Variants in TCERG1L observed in about 807,000 individuals in gnomAD.
TCERG1L encodes transcription elongation regulator 1-like protein.
Under a neutral mutation model 56.3 loss-of-function variants are expected in TCERG1L, and 37 were observed. That is an observed-to-expected ratio of 0.66 (90% CI 0.51 to 0.87). The LOEUF (loss-of-function observed/expected upper bound fraction) is 0.87. Ranked by LOEUF, TCERG1L falls within the 40% of genes least tolerant of loss-of-function variation. The pLI is 0.00. For missense variants in TCERG1L, 799 were observed against 774.2 expected (o/e 1.03, Z -0.38); for synonymous variants, 324 against 326.3 (o/e 0.99, Z 0.08).
At position 131,116,940 on chromosome 10, in the gene TCERG1L, G is replaced by T; in HGVS notation, c.1260-6C>A. On this transcript the variant is annotated splice_region_variant and splice_polypyrimidine_tract_variant and intron_variant, in intron 8 of 11. Transcript: ENST00000368642. ...GACTCCCGCAGCCTTCGGTCCTTCA[G>T]GAACACAAGACGCAGAGTTAGACAC... is the stretch of plus-strand genomic sequence containing the variant. The T allele has an allele frequency of 6.2e-7, 1 of 1,606,546 alleles. No homozygotes were observed. The highest frequency in any genetic ancestry group is 2.2e-5 in the East Asian group (1 of 44,640).
intron 7 of TCERG1L, among the ~76,000 whole-genome samples, chr10:131,139,294 A>G (rs1845707355): frequency 6.6e-6 from 1 of 152,262 alleles, no homozygotes. Context: ...GTAAAAACCT[A>G]GGTACAAAGA....
chr10:131,197,003 G>T (rs1845371472), intron 4 of TCERG1L, among the ~76,000 whole-genome samples: 1 of 152,146 alleles, frequency 6.6e-6, no homozygotes, highest in Non-Finnish European at 1.5e-5. Flanking sequence ...GGGCTCCAGG[G>T]AATCAGAAGG....
In TCERG1L at chr10:131,136,475, T is replaced by G. The variant is rs943369742; in HGVS notation, c.1190-2027A>C. On this transcript the variant is annotated intron_variant, in intron 7 of 11. Transcript: ENST00000368642. ...CCGTGGCTGCTGCCCCAGGGAGGGG[T>G]GGCCCCCAGCAGTGCCTCGCCCAGG... Among the ~76,000 whole-genome samples, 325 of 151,802 alleles carry G rather than the reference T, an allele frequency of 2.1e-3. 4 individuals are homozygous for G. Among genetic ancestry groups the G allele is most frequent in the Non-Finnish European group, 1.6e-3 (106 of 67,918 alleles).
rs201260252 is a variant in TCERG1L at position 131,098,442 on chromosome 10, G to C, written c.1486-18C>G. ...TCAAATATCTTAAAACACAGATACA[G>C]AAGAAAAACATCATGAAATTGCATA... On this transcript the variant is annotated intron_variant, in intron 10 of 11. Coordinates refer to ENST00000368642, the MANE Select transcript of TCERG1L (RefSeq NM_174937.4). 1.2e-5 allele frequency: 18 copies of C among 1,529,714 alleles called. No individual in the cohort carries two copies. In the Middle Eastern group the frequency reaches 1.0e-3, roughly 87 times the overall value. The allele number at this position is 1,529,714 out of a possible 1,614,324, so 94.8% of individuals were successfully genotyped here.
intron 4 of TCERG1L, among the ~76,000 whole-genome samples, chr10:131,255,261 A>C (rs187294612): frequency 1.2e-3 from 178 of 152,358 alleles, no homozygotes; most frequent in African/African-American, 3.9e-3. Context: ...AGATGGTACC[A>C]CCACTGCACA....
At chr10:131,194,590 T>C (rs773273203) in intron 4 of TCERG1L, among the ~76,000 whole-genome samples, 11 of 152,204 alleles carry the variant, frequency 7.2e-5, no homozygotes, top group Non-Finnish European at 1.2e-4. Context: ...GGTTTTCTGT[T>C]ATATTGAGAA....
At chr10:131,237,700 T>G (rs1845927230) in intron 4 of TCERG1L, among the ~76,000 whole-genome samples, 1 of 152,200 alleles carries the variant, frequency 6.6e-6, no homozygotes, top group African/African-American at 2.4e-5. Context: ...TCTGTACCTC[T>G]TGGCTTGAGA....
chr10:131,116,186 A>G (rs905187072), intron 9 of TCERG1L, among the ~76,000 whole-genome samples: 1 of 152,034 alleles, frequency 6.6e-6, no homozygotes, highest in Non-Finnish European at 1.5e-5. Context: ...TGAATACAAA[A>G]TCCCCCCGAC....
At position 131,260,213 on chromosome 10, in the gene TCERG1L, G is replaced by A. The variant is rs191564685; in HGVS notation, c.856+46C>T. On this transcript the variant is annotated intron_variant, in intron 4 of 11. Transcript: ENST00000368642. This position sits in a 1 kb window ranked among gnomAD's most constrained non-coding sequence, Gnocchi z 5.8. ...GCATCTAACCAGGAAGCCTCCGCGCGCTCGCTAAGGCAGCACCAGGCGTCG... is the reference window on the plus strand; with the variant it reads ...GCATCTAACCAGGAAGCCTCCGCGCACTCGCTAAGGCAGCACCAGGCGTCG... 4,574 of 1,313,962 alleles carry A rather than the reference G, an allele frequency of 3.5e-3. 20 individuals are homozygous for A. The highest frequency in any genetic ancestry group is 0.013 in the Middle Eastern group (47 of 3,688). 81.4% of individuals were successfully genotyped at this position (1,313,962 alleles called of 1,614,324 possible). A position where few individuals can be genotyped will look rare whatever the true frequency, so the allele number is the denominator to read the frequency against.
intron 4 of TCERG1L, among the ~76,000 whole-genome samples, chr10:131,205,309 T>G (rs189855707): frequency 4.5e-4 from 68 of 152,080 alleles, no homozygotes; most frequent in African/African-American, 1.6e-3. Context: ...CTGTGTCACT[T>G]GCTTCAGAAA....
At chr10:131,181,694 G>A (rs1845177267) in intron 4 of TCERG1L, among the ~76,000 whole-genome samples, 1 of 152,238 alleles carries the variant, frequency 6.6e-6, no homozygotes, top group Admixed American at 6.5e-5. Flanking sequence ...AGTGGGCCAG[G>A]TGGGCCAGGA....
At chr10:131,283,190 C>T (rs1012932339) in intron 3 of TCERG1L, among the ~76,000 whole-genome samples, 7 of 152,210 alleles carry the variant, frequency 4.6e-5, no homozygotes, top group Non-Finnish European at 4.4e-5. Flanking sequence ...CGGCCTTAGA[C>T]GGGATGCATT....
chr10:131,107,025 C>A (rs1845358757), intron 9 of TCERG1L, among the ~76,000 whole-genome samples: 1 of 141,248 alleles, frequency 7.1e-6, no homozygotes, highest in South Asian at 2.2e-4. Flanking sequence ...GGTCTCCAGA[C>A]AGAATGGATC....
At chr10:131,163,266 T>C (rs1249479609) in intron 5 of TCERG1L, 56 bp from the exon 6 acceptor site, 2 of 1,354,110 alleles carry the variant, frequency 1.5e-6, no homozygotes, top group Non-Finnish European at 2.0e-6. Flanking sequence ...TCATCTTCAA[T>C]TACAAGCAAG....
chr10:131,116,799 C>G lies in TCERG1L; in HGVS notation c.1395G>C (p.Gly465=). ...THFRDMLLER[G]VSAFSTWEKE... Reference sequence around the variant, plus strand: ...CAGCCCCTCAGCCGCTGTGCCTTACCCCTCTCTCCAGCAGCATGTCTCGGA... The same window carrying G: ...CAGCCCCTCAGCCGCTGTGCCTTACGCCTCTCTCCAGCAGCATGTCTCGGA... The change falls in exon 9 of 12, where the codon GGG becomes GGC. Residue 465 remains glycine (G), a splice_region_variant and synonymous_variant. Coordinates refer to ENST00000368642, the MANE Select transcript of TCERG1L (RefSeq NM_174937.4). 6.4e-7 allele frequency: 1 copy of G among 1,559,480 alleles called. No individual in the cohort carries two copies. Among genetic ancestry groups the G allele is most frequent in the Non-Finnish European group, 8.7e-7 (1 of 1,153,188 alleles).
intron 4 of TCERG1L, among the ~76,000 whole-genome samples, chr10:131,212,925 C>G (rs551459207): frequency 1.3e-5 from 2 of 152,302 alleles, no homozygotes; most frequent in Admixed American, 6.5e-5. Flanking sequence ...TGCTTCTTAC[C>G]CAGAGGTTCC....
rs1845478815 is a variant in TCERG1L, at chr10:131,118,212, C to A, written c.1260-1278G>T. Among the ~76,000 whole-genome samples the A allele has an allele frequency of 6.6e-6, 1 of 152,228 alleles. No individual in the cohort carries two copies. The highest frequency in any genetic ancestry group is 1.5e-5 in the Non-Finnish European group (1 of 68,044). Reference sequence around the variant, plus strand: ...TCATGAAGAGCAGTCCGCTCACAAGCAGTGGCTTAGGGCCTCCTACATTCT... The same window carrying A: ...TCATGAAGAGCAGTCCGCTCACAAGAAGTGGCTTAGGGCCTCCTACATTCT... On this transcript the variant is annotated intron_variant, in intron 8 of 11. Coordinates refer to ENST00000368642, the MANE Select transcript of TCERG1L (RefSeq NM_174937.4). This position sits in a 1 kb window ranked among gnomAD's most constrained non-coding sequence, Gnocchi z 4.2.
At chr10:131,175,020 T>C (rs1032332357) in intron 4 of TCERG1L, among the ~76,000 whole-genome samples, 11 of 125,544 alleles carry the variant, frequency 8.8e-5, no homozygotes, top group Non-Finnish European at 1.8e-4. Context: ...AGAGTCCAGA[T>C]TTTCTCTGTG....
intron 4 of TCERG1L, among the ~76,000 whole-genome samples, chr10:131,211,724 G>A (rs368796295): frequency 3.7e-4 from 57 of 152,286 alleles, no homozygotes; most frequent in African/African-American, 1.3e-3. Context: ...GCGGCTGGGC[G>A]GTGGACTCGG....
Sources: allele counts gnomAD v4.1 joint callset (sites outside exome capture counted in the v4.1 genomes callset), GRCh38; gene constraint gnomAD v4.1.1; non-coding constraint Gnocchi (gnomAD v3.1); transcripts MANE v1.5; gene names NCBI Gene and HGNC (gene_info 2026-07-23, HGNC 2026-07-21).